The following TMCO6 variants were observed in gnomAD, a reference collection of about 807,000 sequenced individuals.
TMCO6 encodes the protein transmembrane and coiled-coil domain-containing protein 6.
In TMCO6, 47 loss-of-function variants were observed where a neutral mutation model predicts 61.8. The observed-to-expected ratio is 0.76, with a 90% CI of 0.60 to 0.97. TMCO6 has a LOEUF of 0.97. Among genes scored for constraint, TMCO6 ranks in the 50% least tolerant of loss-of-function variants. The probability of loss-of-function intolerance (pLI) is 0.00; values close to 1 mark genes in which losing one functional copy is unlikely to be tolerated. For synonymous variants in TMCO6, 261 were observed against 254.2 expected (o/e 1.03, Z -0.25); for missense variants, 557 against 601.6 (o/e 0.93, Z 0.78).
chr5:140,639,794 C>T lies in TMCO6; in HGVS notation c.141C>T (p.Asn47=). The T allele has an allele frequency of 6.2e-7, 1 of 1,609,676 alleles. No individual in the cohort carries two copies. Among genetic ancestry groups the T allele is most frequent in the Non-Finnish European group, 8.5e-7 (1 of 1,178,582 alleles). Residue 47 remains asparagine, a synonymous_variant, in exon 2 of 12, where the codon AAC becomes AAT. Transcript: ENST00000394671. ...QQLVSKRLLR[N]DAPEEAGEGC... ...TGGTCAGCAAGAGGCTGCTGAGAAA[C>T]GACGCCCCAGAGGAAGCTGGAGAGG...
chr5:140,603,934 T>A, the TMCO6 span, among the ~76,000 whole-genome samples: 1 of 152,204 alleles, frequency 6.6e-6, no homozygotes, highest in Non-Finnish European at 1.5e-5. Flanking sequence ...CCAGAGTAGC[T>A]GCACCATTTT....
chr5:140,644,994 G>A lies in TMCO6; in HGVS notation c.1378G>A (p.Val460Ile), dbSNP rs760138030. The change falls in exon 12 of 12, where the codon GTC becomes ATC. Residue 460 changes from valine (V) to isoleucine (I), a missense_variant. Coordinates refer to ENST00000394671, the MANE Select transcript of TMCO6 (RefSeq NM_018502.5). ...TCTTCCCTGCCCCTAGGCTGTTCAG[G>A]TCTTCCTGCAGCAGTCAGGGCTGCA... ...LFLYQPEAVQ[V>I]FLQQSGLQAL... is the part of the protein sequence containing the mutation. 3 of 1,614,164 alleles carry A rather than the reference G, an allele frequency of 1.9e-6. No individual in the cohort carries two copies. In the East Asian group the frequency reaches 6.7e-5, roughly 36 times the overall value.
the TMCO6 span, among the ~76,000 whole-genome samples, chr5:140,621,665 G>A: frequency 6.6e-6 from 1 of 152,166 alleles, no homozygotes; most frequent in African/African-American, 2.4e-5. Flanking sequence ...CGGTGAGCCG[G>A]GTGGAACAGA....
the TMCO6 span, among the ~76,000 whole-genome samples, chr5:140,629,945 A>AT: frequency 6.6e-6 from 1 of 152,050 alleles, no homozygotes; most frequent in African/African-American, 2.4e-5. Flanking sequence ...AAAAAAAAAA[A>AT]AAAAGGATAG....
chr5:140,632,879 G>A, the TMCO6 span: 1 of 1,614,200 alleles, frequency 6.2e-7, no homozygotes, highest in Non-Finnish European at 8.5e-7. The surrounding 1 kb of genome is among the most constrained non-coding windows in gnomAD (Gnocchi z 6.2). Flanking sequence ...AGAAGTTGCA[G>A]ACGCAGCGGA....
the TMCO6 span, chr5:140,632,348 C>G: frequency 1.2e-6 from 2 of 1,614,152 alleles, no homozygotes; most frequent in Non-Finnish European, 1.7e-6. The surrounding 1 kb of genome is among the most constrained non-coding windows in gnomAD (Gnocchi z 6.2). Flanking sequence ...GAGCCGCCAT[C>G]AGTCCGCGTT....
At chr5:140,639,715 C>T in intron 1 of TMCO6, 24 bp from the exon 2 acceptor site, 2 of 1,569,324 alleles carry the variant, frequency 1.3e-6, no homozygotes, top group South Asian at 1.2e-5. Context: ...CCTTCCCACG[C>T]TCAGCCGGCT....
Position 140,639,488 on chromosome 5 carries a change from T to G in TMCO6, c.-40T>G, listed in dbSNP as rs1454670825. 1.3e-6 allele frequency: 2 copies of G among 1,540,238 alleles called. No homozygotes were observed. Among genetic ancestry groups the G allele is most frequent in the South Asian group, 1.2e-5 (1 of 83,434 alleles). ...ATCTTCTACGCCCCTGGGAGCGTTG[T>G]GGCTGCTGTTTCCTTCGGCTTTCCT... On this transcript the variant is annotated 5_prime_UTR_variant, in exon 1 of 12. Transcript: ENST00000394671.
At chr5:140,597,935 G>A in the TMCO6 span, among the ~76,000 whole-genome samples, 14 of 152,330 alleles carry the variant, frequency 9.2e-5, no homozygotes, top group East Asian at 2.7e-3. Flanking sequence ...ACCTGCAGAT[G>A]TATCTCTAGT....
chr5:140,643,005 T>G lies in TMCO6; in HGVS notation c.770T>G (p.Val257Gly), dbSNP rs1268898834. ...CCAAAGCTCAACCCTGGGGTCGCTGTGGAGTTTGCCTGGTGCCTTCATTAC... is the reference window on the plus strand; with the variant it reads ...CCAAAGCTCAACCCTGGGGTCGCTGGGGAGTTTGCCTGGTGCCTTCATTAC... ...PGPKLNPGVAVEFAWCLHYII... is the reference protein window; with the variant it reads ...PGPKLNPGVAGEFAWCLHYII... Residue 257 changes from valine to glycine, a missense_variant, in exon 7 of 12, where the codon GTG becomes GGG. Coordinates refer to ENST00000394671, the MANE Select transcript of TMCO6 (RefSeq NM_018502.5). 1 of 1,614,066 alleles carries G rather than the reference T, an allele frequency of 6.2e-7. No homozygotes were observed. The highest frequency in any genetic ancestry group is 1.1e-5 in the South Asian group (1 of 91,094).
the TMCO6 span, among the ~76,000 whole-genome samples, chr5:140,604,836 G>A: frequency 6.9e-6 from 1 of 144,444 alleles, no homozygotes; most frequent in South Asian, 2.2e-4. Flanking sequence ...TATTTTTGAA[G>A]AGATTTCTTT....
chr5:140,626,264 C>T, the TMCO6 span, among the ~76,000 whole-genome samples: 12 of 151,726 alleles, frequency 7.9e-5, no homozygotes, highest in African/African-American at 2.2e-4. Flanking sequence ...CTTGCTCTAT[C>T]ACCCAGGCTG....
chr5:140,597,164 C>T, the TMCO6 span, among the ~76,000 whole-genome samples: 1 of 152,168 alleles, frequency 6.6e-6, no homozygotes, highest in African/African-American at 2.4e-5. Flanking sequence ...ATTTATATAA[C>T]AGATACAGCA....
downstream of TMCO6, among the ~76,000 whole-genome samples, chr5:140,646,286 C>A (rs576606273): frequency 6.6e-6 from 1 of 152,160 alleles, no homozygotes; most frequent in African/African-American, 2.4e-5. Flanking sequence ...GCTGGGATTA[C>A]AGGCGTGAAC....
chr5:140,601,978 G>A, the TMCO6 span, among the ~76,000 whole-genome samples: 21 of 152,306 alleles, frequency 1.4e-4, no homozygotes, highest in African/African-American at 4.6e-4. Flanking sequence ...GCAACAAGAT[G>A]TTGCCCATGC....
the TMCO6 span, among the ~76,000 whole-genome samples, chr5:140,603,913 G>C: frequency 6.6e-6 from 1 of 152,156 alleles, no homozygotes. Context: ...TTGAGGAACT[G>C]CTAGCTGTTT....
chr5:140,619,331 C>A, the TMCO6 span, among the ~76,000 whole-genome samples: 1 of 152,152 alleles, frequency 6.6e-6, no homozygotes, highest in African/African-American at 2.4e-5. Flanking sequence ...AAGGTAATCA[C>A]TTCTCTTCTA....
chr5:140,631,920 G>A, the TMCO6 span: 2 of 1,604,102 alleles, frequency 1.2e-6, no homozygotes, highest in East Asian at 2.2e-5. Context: ...CGACAGGGTC[G>A]AACGTGCACA....
At chr5:140,632,759 C>A in the TMCO6 span, 1 of 1,613,266 alleles carries the variant, frequency 6.2e-7, no homozygotes, top group Non-Finnish European at 8.5e-7. The surrounding 1 kb of genome is among the most constrained non-coding windows in gnomAD (Gnocchi z 6.2). Flanking sequence ...GGTCGGCGTC[C>A]GCATCGACGC....
Sources: gnomAD v4.1 joint callset for allele counts (sites outside exome capture counted in the v4.1 genomes callset) on GRCh38, gnomAD v4.1.1 for gene constraint, Gnocchi (gnomAD v3.1) non-coding constraint, MANE v1.5 for transcripts, NCBI Gene and HGNC (gene_info 2026-07-23, HGNC 2026-07-21) for gene names.